Variants in GFRAL observed in about 807,000 individuals in gnomAD.
GFRAL encodes the protein GDNF family receptor alpha like, also known as GDNF family receptor alpha-like.
In GFRAL, 36 loss-of-function variants were observed where a neutral mutation model predicts 45.4. The observed-to-expected ratio is 0.79, with a 90% CI of 0.61 to 1.05. The LOEUF is 1.05. Ranked by LOEUF, GFRAL falls within the 50% of genes least tolerant of loss-of-function variation. GFRAL has a pLI of 0.00. For synonymous variants in GFRAL, 166 were observed against 154.1 expected (o/e 1.08, Z -0.57); for missense variants, 507 against 467.5 (o/e 1.08, Z -0.78).
At chr6:55,367,713 C>T (rs1311093255) in intron 6 of GFRAL, among the ~76,000 whole-genome samples, 1 of 149,790 alleles carries the variant, frequency 6.7e-6, no homozygotes, top group African/African-American at 2.5e-5. Flanking sequence ...CTTAGTTTGG[C>T]TGGATATGAA....
At chr6:55,355,837 A>G (rs72969048) in intron 5 of GFRAL, among the ~76,000 whole-genome samples, 18,339 of 151,842 alleles carry the variant, frequency 0.12, 1,255 homozygotes, top group African/African-American at 0.19. Context: ...TCCCCATTTT[A>G]TATGATACTA....
chr6:55,365,259 A>G (rs1331427856), intron 6 of GFRAL, among the ~76,000 whole-genome samples: 1 of 142,632 alleles, frequency 7.0e-6, no homozygotes, highest in African/African-American at 2.7e-5. Context: ...TTGGTGTATA[A>G]GAATGCTTGT....
At chr6:55,340,558 A>G (rs138854898) in intron 3 of GFRAL, among the ~76,000 whole-genome samples, 4 of 152,150 alleles carry the variant, frequency 2.6e-5, no homozygotes, top group Non-Finnish European at 5.9e-5. Context: ...CCAAGATGGC[A>G]GAATAGGAAC....
intron 6 of GFRAL, among the ~76,000 whole-genome samples, chr6:55,382,770 C>T (rs1454809125): frequency 6.6e-6 from 1 of 151,928 alleles, no homozygotes; most frequent in African/African-American, 2.4e-5. Flanking sequence ...AAACAAGTTA[C>T]TTCTCTCACT....
intron 6 of GFRAL, among the ~76,000 whole-genome samples, chr6:55,391,756 A>G (rs914519805): frequency 5.3e-5 from 8 of 152,158 alleles, no homozygotes; most frequent in African/African-American, 1.9e-4. Flanking sequence ...AAGGATAAAA[A>G]CATTGAGGAA....
intron 6 of GFRAL, among the ~76,000 whole-genome samples, 181 bp from the exon 7 acceptor site, chr6:55,398,999 A>T (rs536989264): frequency 2.4e-4 from 36 of 152,252 alleles, no homozygotes; most frequent in Admixed American, 5.9e-4. Flanking sequence ...TACCTGATTA[A>T]AAGGGGAAAA....
chr6:55,399,296 C>T (rs1209881103), intron 7 of GFRAL, 21 bp downstream of exon 7: 3 of 1,514,430 alleles, frequency 2.0e-6, no homozygotes, highest in African/African-American at 2.8e-5. Context: ...AATCAATCCT[C>T]TATAATATTT....
chr6:55,327,665 G>A, intron 1 of GFRAL, 89 bp downstream of exon 1: 1 of 1,222,870 alleles, frequency 8.2e-7, no homozygotes, highest in Non-Finnish European at 1.2e-6. Context: ...GCTTAACAGG[G>A]GCTTATAATA....
chr6:55,378,395 T>C (rs1768562797), intron 6 of GFRAL, among the ~76,000 whole-genome samples: 1 of 152,046 alleles, frequency 6.6e-6, no homozygotes, highest in African/African-American at 2.4e-5. Context: ...AAGATCTTGG[T>C]ATAGGTATCA....
At chr6:55,392,113 C>T (rs1768761582) in intron 6 of GFRAL, among the ~76,000 whole-genome samples, 2 of 152,128 alleles carry the variant, frequency 1.3e-5, no homozygotes. Context: ...TACTTTCATC[C>T]TTCCCTCATA....
intron 6 of GFRAL, among the ~76,000 whole-genome samples, chr6:55,387,009 A>G (rs1010019052): frequency 6.6e-6 from 1 of 152,166 alleles, no homozygotes; most frequent in African/African-American, 2.4e-5. Context: ...CTCTAAAGGC[A>G]TAGGTGTTGT....
intron 4 of GFRAL, 119 bp downstream of exon 4, chr6:55,350,264 TA>T: frequency 1.6e-6 from 1 of 617,032 alleles, no homozygotes; most frequent in Non-Finnish European, 2.9e-6. Flanking sequence ...TTAACAGTTC[TA>T]ATATAATAAA....
chr6:55,370,009 A>C (rs1006957471), intron 6 of GFRAL, among the ~76,000 whole-genome samples: 1 of 152,264 alleles, frequency 6.6e-6, no homozygotes, highest in South Asian at 2.1e-4. Context: ...GGACCCTACT[A>C]TGTGTTATCT....
intron 6 of GFRAL, among the ~76,000 whole-genome samples, chr6:55,377,103 AGTGC>A (rs1768545593): frequency 6.6e-6 from 1 of 152,002 alleles, no homozygotes; most frequent in Non-Finnish European, 1.5e-5. Flanking sequence ...CACCACATGT[AGTGC>A]TACTGGCTGG....
chr6:55,393,685 G>T (rs1049064812), intron 6 of GFRAL, among the ~76,000 whole-genome samples: 7 of 152,128 alleles, frequency 4.6e-5, no homozygotes, highest in Non-Finnish European at 1.5e-5. Flanking sequence ...GAGGAAAGAA[G>T]CCTCTTGGTG....
At chr6:55,352,872 C>T (rs148426759) in intron 5 of GFRAL, among the ~76,000 whole-genome samples, 1 of 152,070 alleles carries the variant, frequency 6.6e-6, no homozygotes, top group East Asian at 1.9e-4. Context: ...GCACCTACTA[C>T]TACTCTAGGC....
Position 55,359,146 on chromosome 6 carries a change from C to A in GFRAL, c.952+8C>A. 2 of 1,602,708 alleles carry A rather than the reference C, an allele frequency of 1.2e-6. No individual in the cohort carries two copies. Among genetic ancestry groups the A allele is most frequent in the Non-Finnish European group, 1.7e-6 (2 of 1,172,540 alleles). On this transcript the variant is annotated splice_region_variant and intron_variant, in intron 6 of 8. Transcript: ENST00000340465. ...ATAGAAAATCATGTTTCAGTAAGTT[C>A]CCCAAATAAAATTATCTGTCTATCT...
chr6:55,350,127 A>G lies in GFRAL; in HGVS notation c.352A>G (p.Thr118Ala). The G allele has an allele frequency of 1.3e-6, 2 of 1,538,438 alleles. No individual in the cohort carries two copies. Among genetic ancestry groups the G allele is most frequent in the East Asian group, 2.2e-5 (1 of 44,470 alleles). ...VKEDKFKWNLTTRSHHGFKGM... is the reference protein window; with the variant it reads ...VKEDKFKWNLATRSHHGFKGM... Reference sequence around the variant, plus strand: ...AGAGGATAAATTCAAATGGAATCTAACTACACGTTCCCATCATGGTAATGT... The same window carrying G: ...AGAGGATAAATTCAAATGGAATCTAGCTACACGTTCCCATCATGGTAATGT... Residue 118 changes from threonine to alanine, a missense_variant, in exon 4 of 9, where the codon ACT becomes GCT. Transcript: ENST00000340465.
chr6:55,378,097 G>C (rs972557767), intron 6 of GFRAL, among the ~76,000 whole-genome samples: 1 of 152,004 alleles, frequency 6.6e-6, no homozygotes, highest in Admixed American at 6.6e-5. Context: ...CCTCAAACTC[G>C]CATACAGTGT....
Sources: allele counts gnomAD v4.1 joint callset (sites outside exome capture counted in the v4.1 genomes callset), GRCh38; gene constraint gnomAD v4.1.1; transcripts MANE v1.5; gene names NCBI Gene and HGNC (gene_info 2026-07-23, HGNC 2026-07-21).